XXYLT1: variants seen among roughly 807,000 people sequenced by gnomAD.
The protein encoded by XXYLT1 is xyloside xylosyltransferase 1, also known as UDP-xylose:alpha-xyloside alpha-1,3-xylosyltransferase.
In XXYLT1, 20 loss-of-function variants were observed where a neutral mutation model predicts 28.9. That is an observed-to-expected ratio of 0.69 (90% CI 0.49 to 1.00). XXYLT1 has a LOEUF of 1.00. Ranked by LOEUF, XXYLT1 falls within the 50% of genes least tolerant of loss-of-function variation. The probability of loss-of-function intolerance (pLI) is 0.00; values close to 1 mark genes in which losing one functional copy is unlikely to be tolerated. For missense variants in XXYLT1, 542 were observed against 560.1 expected, an observed-to-expected ratio of 0.97 and a Z score of 0.33; for synonymous variants, 257 against 253.8, an observed-to-expected ratio of 1.01 and a Z score of -0.12.
chr3:195,156,588 G>A lies in XXYLT1; in HGVS notation c.653-7C>T, dbSNP rs1720607058. ...TGAATGATCTGCAGGATCTCTGCGG[G>A]AAAGAGAAAAGGACAATGAGACACA... On this transcript the variant is annotated splice_region_variant and splice_polypyrimidine_tract_variant and intron_variant, in intron 2 of 3. Transcript: ENST00000310380. The A allele has an allele frequency of 3.1e-6, 5 of 1,613,996 alleles. No individual in the cohort carries two copies. The East Asian group carries it at 8.9e-5, about 29-fold the overall frequency.
intron 1 of XXYLT1, among the ~76,000 whole-genome samples, chr3:195,245,869 C>A (rs546786845): frequency 2.0e-5 from 3 of 152,232 alleles, no homozygotes; most frequent in Non-Finnish European, 4.4e-5. Context: ...CCTGCTTCCC[C>A]ATCACCTTCC....
chr3:195,081,394 C>T (rs1484860583), intron 3 of XXYLT1, among the ~76,000 whole-genome samples: 1 of 152,200 alleles, frequency 6.6e-6, no homozygotes, highest in Non-Finnish European at 1.5e-5. Context: ...GGCCCGGGGA[C>T]AGGCTTCCTG....
rs1210098081 is a variant in XXYLT1 at position 195,091,477 on chromosome 3, AC to A, written c.786-21367del. 1.1e-3 allele frequency among the ~76,000 whole-genome samples: 90 copies of A among 84,284 alleles called. 6 individuals are homozygous for A. In the Middle Eastern group the frequency reaches 0.021, roughly 20 times the overall value. The allele number at this position is 84,284 out of a possible 152,430, so 55.3% of individuals were successfully genotyped here. A position where few individuals can be genotyped will look rare whatever the true frequency, so the allele number is the denominator to read the frequency against. ...AAAAAGCCTTTGACAAAATTCAACAACCCTTCATGCTAAAAACTCTCAATAA... is the reference window on the plus strand; with the variant it reads ...AAAAAGCCTTTGACAAAATTCAACAACCTTCATGCTAAAAACTCTCAATAA... On this transcript the variant is annotated intron_variant, in intron 3 of 3. Transcript: ENST00000310380.
intron 2 of XXYLT1, among the ~76,000 whole-genome samples, chr3:195,222,250 G>A (rs988956989): frequency 4.6e-5 from 7 of 152,216 alleles, no homozygotes; most frequent in Non-Finnish European, 8.8e-5. Context: ...CCCAGGGCAA[G>A]GAGGACACAG....
At chr3:195,098,245 C>T (rs890030094) in intron 3 of XXYLT1, among the ~76,000 whole-genome samples, 1 of 152,204 alleles carries the variant, frequency 6.6e-6, no homozygotes, top group Non-Finnish European at 1.5e-5. Flanking sequence ...ATGCCAGTGA[C>T]TGTACACTTC....
intron 3 of XXYLT1, among the ~76,000 whole-genome samples, chr3:195,080,402 A>G (rs1715363954): frequency 6.6e-6 from 1 of 152,190 alleles, no homozygotes; most frequent in East Asian, 1.9e-4. Context: ...GTTCAATTCT[A>G]GTGGGAGCCC....
chr3:195,204,186 T>C (rs1467346603), intron 2 of XXYLT1, among the ~76,000 whole-genome samples: 6 of 151,540 alleles, frequency 4.0e-5, no homozygotes, highest in African/African-American at 1.5e-4. Context: ...CTACTAAACA[T>C]ACAAAGATTA....
Position 195,133,891 on chromosome 3 carries a change from C to T in XXYLT1, c.785+22558G>A, listed in dbSNP as rs1171478027. On this transcript the variant is annotated intron_variant, in intron 3 of 3. Coordinates refer to ENST00000310380, the MANE Select transcript of XXYLT1 (RefSeq NM_152531.5). The surrounding 1 kb of genome is among the most constrained non-coding windows in gnomAD (Gnocchi z 4.4). Reference sequence around the variant, plus strand: ...TAAAAACTTACAAAATGGAAAAAAGCTTACAGAATAAGGATAAAAAGAAAA... The same window carrying T: ...TAAAAACTTACAAAATGGAAAAAAGTTTACAGAATAAGGATAAAAAGAAAA... Among the ~76,000 whole-genome samples, 3 of 152,142 alleles carry T rather than the reference C, an allele frequency of 2.0e-5. No individual in the cohort carries two copies. The highest frequency in any genetic ancestry group is 4.4e-5 in the Non-Finnish European group (3 of 68,022).
chr3:195,246,513 T>G (rs1725030174), intron 1 of XXYLT1, among the ~76,000 whole-genome samples: 1 of 152,126 alleles, frequency 6.6e-6, no homozygotes, highest in Admixed American at 6.5e-5. Context: ...AGGATGACCA[T>G]GAGGAACTAT....
intron 2 of XXYLT1, among the ~76,000 whole-genome samples, chr3:195,202,050 A>ATG (rs1337440267): frequency 2.1e-3 from 315 of 151,996 alleles, no homozygotes; most frequent in Non-Finnish European, 2.6e-3. Flanking sequence ...GGTGGTGTGC[A>ATG]CCTGTAATCC....
intron 2 of XXYLT1, among the ~76,000 whole-genome samples, chr3:195,212,476 G>A (rs1723365477): frequency 6.6e-6 from 1 of 152,132 alleles, no homozygotes; most frequent in Non-Finnish European, 1.5e-5. Flanking sequence ...GAGTCTTCTG[G>A]GGCAGGGTCC....
At chr3:195,136,975 G>T (rs751667722) in intron 3 of XXYLT1, among the ~76,000 whole-genome samples, 1 of 152,218 alleles carries the variant, frequency 6.6e-6, no homozygotes, top group Non-Finnish European at 1.5e-5. Flanking sequence ...ATGAGCACAG[G>T]ATTGAGTGTC....
At chr3:195,191,117 A>T (rs994245291) in intron 2 of XXYLT1, among the ~76,000 whole-genome samples, 2 of 152,218 alleles carry the variant, frequency 1.3e-5, no homozygotes, top group Non-Finnish European at 2.9e-5. Context: ...TTGGATTTTT[A>T]AAAAGTATAC....
At chr3:195,144,086 G>T (rs556330730) in intron 3 of XXYLT1, among the ~76,000 whole-genome samples, 1 of 148,898 alleles carries the variant, frequency 6.7e-6, no homozygotes, top group East Asian at 2.2e-4. Flanking sequence ...TAGAGACGGG[G>T]TTTCACTATG....
intron 1 of XXYLT1, among the ~76,000 whole-genome samples, chr3:195,267,720 G>A (rs1725887831): frequency 6.6e-6 from 1 of 152,160 alleles, no homozygotes; most frequent in South Asian, 2.1e-4. Context: ...AACAGTGCTT[G>A]GAGTTTGAAA....
chr3:195,265,094 G>A (rs2108858588), intron 1 of XXYLT1, among the ~76,000 whole-genome samples: 1 of 152,088 alleles, frequency 6.6e-6, no homozygotes, highest in South Asian at 2.1e-4. Context: ...AAAAGGCCAG[G>A]CACGGTGGCT....
At position 195,256,490 on chromosome 3, in the gene XXYLT1, G is replaced by C. The variant is rs549486540; in HGVS notation, c.504+14065C>G. 1 of 985,420 alleles carries C rather than the reference G, an allele frequency of 1.0e-6. No individual in the cohort carries two copies. The highest frequency in any genetic ancestry group is 1.2e-6 in the Non-Finnish European group (1 of 829,924). The allele number at this position is 985,420 out of a possible 1,614,324, so 61.0% of individuals were successfully genotyped here. A position where few individuals can be genotyped will look rare whatever the true frequency, so the allele number is the denominator to read the frequency against. Reference sequence around the variant, plus strand: ...CTCCCAGAGGACGGAAGGGAAGTCAGCACGGAAGCCTCACCTAGGGTCATT... The same window carrying C: ...CTCCCAGAGGACGGAAGGGAAGTCACCACGGAAGCCTCACCTAGGGTCATT... On this transcript the variant is annotated intron_variant, in intron 1 of 3. Transcript: ENST00000310380. This position sits in a 1 kb window ranked among gnomAD's most constrained non-coding sequence, Gnocchi z 4.2.
At chr3:195,118,427 G>A (rs530459143) in intron 3 of XXYLT1, among the ~76,000 whole-genome samples, 7 of 148,306 alleles carry the variant, frequency 4.7e-5, no homozygotes, top group Non-Finnish European at 7.5e-5. Context: ...CTTCCACACC[G>A]GGCTCCCAGT....
At chr3:195,245,037 G>A (rs1391236556) in intron 1 of XXYLT1, among the ~76,000 whole-genome samples, 13 of 150,672 alleles carry the variant, frequency 8.6e-5, no homozygotes, top group Non-Finnish European at 1.9e-4. Flanking sequence ...GTGGTGGCAC[G>A]TGCCTGTAAT....
Sources: gnomAD v4.1 joint callset for allele counts (sites outside exome capture counted in the v4.1 genomes callset) on GRCh38, gnomAD v4.1.1 for gene constraint, Gnocchi (gnomAD v3.1) non-coding constraint, MANE v1.5 for transcripts, NCBI Gene and HGNC (gene_info 2026-07-23, HGNC 2026-07-21) for gene names.